The following ELOVL6 variants were observed in gnomAD, a reference collection of about 807,000 sequenced individuals.
ELOVL6 encodes the protein very long chain fatty acid elongase 6.
In ELOVL6, 8 loss-of-function variants were observed where a neutral mutation model predicts 31.7. That is an observed-to-expected ratio of 0.25 (90% confidence interval 0.15 to 0.45). The LOEUF is 0.45. Among genes scored for constraint, ELOVL6 ranks in the 20% least tolerant of loss-of-function variants. ELOVL6 has a pLI of 1.00. For missense variants in ELOVL6, 126 were observed against 326.4 expected (o/e 0.39, Z 4.73); for synonymous variants, 101 against 117.7 (o/e 0.86, Z 0.92).
chr4:110,088,496 A>G lies in ELOVL6; in HGVS notation c.221+17001T>C, dbSNP rs534718226. Among the ~76,000 whole-genome samples the G allele has an allele frequency of 2.6e-5, 4 of 152,314 alleles. No homozygotes were observed. In the South Asian group the frequency reaches 8.3e-4, roughly 32 times the overall value. ...CGTAAGTCTTGCAGCTGGAGGTGCA[A>G]CAGCAAAACTAGCATGGATTTCTGT... On this transcript the variant is annotated intron_variant, in intron 2 of 3. Transcript: ENST00000302274.
chr4:110,158,659 T>TATATA lies in ELOVL6; in HGVS notation c.89+39587_89+39588insTATAT, dbSNP rs1560849884. On this transcript the variant is annotated intron_variant, in intron 1 of 3. Transcript: ENST00000302274. ...TGTATATATATATATATATATATATTTTTTTTTTTTTTTTTTTTGAGACAG... is the reference window on the plus strand; with the variant it reads ...TGTATATATATATATATATATATATTATATATTTTTTTTTTTTTTTTTTGAGACAG... Among the ~76,000 whole-genome samples, 367 of 44,430 alleles carry TATATA rather than the reference T, an allele frequency of 8.3e-3. 2 individuals are homozygous for TATATA. Among genetic ancestry groups the TATATA allele is most frequent in the Admixed American group, 0.063 (211 of 3,362 alleles). The allele number at this position is 44,430 out of a possible 152,430, so 29.1% of individuals were successfully genotyped here.
rs370708596 is a variant in ELOVL6, at chr4:110,171,615, C to T, written c.89+26632G>A. On this transcript the variant is annotated intron_variant, in intron 1 of 3. Transcript: ENST00000302274. ...GGTGCACGTAGGGAGGACGTGGAAG[C>T]TCCAAGCTCTTCTCCCATACATTGC... Among the ~76,000 whole-genome samples, 53 of 150,620 alleles carry T rather than the reference C, an allele frequency of 3.5e-4. 1 individual carries two copies. The East Asian group carries it at 6.4e-3, about 18-fold the overall frequency.
chr4:110,084,241 ATGAT>A (rs1756088278), intron 2 of ELOVL6, among the ~76,000 whole-genome samples: 2 of 132,526 alleles, frequency 1.5e-5, no homozygotes, highest in African/African-American at 5.6e-5. Flanking sequence ...TATAACATAT[ATGAT>A]ATATATAACA....
chr4:110,149,375 G>A (rs537534442), intron 1 of ELOVL6, among the ~76,000 whole-genome samples: 3 of 152,224 alleles, frequency 2.0e-5, no homozygotes, highest in Admixed American at 1.3e-4. Context: ...ATATGGAATC[G>A]ACTTAAGTGT....
chr4:110,129,631 T>G (rs1410660676), intron 1 of ELOVL6, among the ~76,000 whole-genome samples: 1 of 152,232 alleles, frequency 6.6e-6, no homozygotes, highest in African/African-American at 2.4e-5. Flanking sequence ...CTTTGGAGTT[T>G]TATTCCTTTG....
chr4:110,184,532 CG>C (rs1759384927), intron 1 of ELOVL6, among the ~76,000 whole-genome samples: 1 of 152,202 alleles, frequency 6.6e-6, no homozygotes, highest in East Asian at 1.9e-4. Flanking sequence ...CTTAAAACAA[CG>C]GGAAACCACT....
Position 110,172,787 on chromosome 4 carries a change from A to G in ELOVL6, c.89+25460T>C, listed in dbSNP as rs568255030. ...ATGTTTTTTACTGTAAACTCTGCTAAGAGCTTTTAAGTCTTGTTACAGTGA... is the reference window on the plus strand; with the variant it reads ...ATGTTTTTTACTGTAAACTCTGCTAGGAGCTTTTAAGTCTTGTTACAGTGA... On this transcript the variant is annotated intron_variant, in intron 1 of 3. Transcript: ENST00000302274. Among the ~76,000 whole-genome samples the G allele has an allele frequency of 2.0e-5, 3 of 152,366 alleles. No individual in the cohort carries two copies. The South Asian group carries it at 6.2e-4, about 32-fold the overall frequency.
At chr4:110,195,236 A>T (rs1018884407) in intron 1 of ELOVL6, among the ~76,000 whole-genome samples, 14 of 151,712 alleles carry the variant, frequency 9.2e-5, no homozygotes, top group African/African-American at 3.4e-4. Context: ...TCCTGCCTCA[A>T]CCTCCCGAGT....
chr4:110,198,375 A>G lies in ELOVL6; in HGVS notation c.-40T>C, dbSNP rs780586324. 1 of 1,220,926 alleles carries G rather than the reference A, an allele frequency of 8.2e-7. No individual in the cohort carries two copies. Among genetic ancestry groups the G allele is most frequent in the East Asian group, 2.3e-5 (1 of 42,896 alleles). 75.6% of individuals were successfully genotyped at this position (1,220,926 alleles called of 1,614,324 possible). On this transcript the variant is annotated 5_prime_UTR_variant, in exon 1 of 4. Coordinates refer to ENST00000302274, the MANE Select transcript of ELOVL6 (RefSeq NM_024090.3). The stretch of plus-strand genomic sequence containing the variant: ...GGAGTCGCTACGTGTTCTCTATACA[A>G]AATAAAATAATCTGTAAAGCGCTTG...
chr4:110,098,859 A>C lies in ELOVL6; in HGVS notation c.221+6638T>G, dbSNP rs954273533. On this transcript the variant is annotated intron_variant, in intron 2 of 3. Transcript: ENST00000302274. ...GTCCTATGACACTTAAAGCTTATGG[A>C]TCCATTTATTTTATATAAATAGTAT... 2.6e-5 allele frequency among the ~76,000 whole-genome samples: 4 copies of C among 152,250 alleles called. No individual in the cohort carries two copies. In the East Asian group the frequency reaches 7.7e-4, roughly 29 times the overall value.
chr4:110,088,511 T>C (rs1163023168), intron 2 of ELOVL6, among the ~76,000 whole-genome samples: 2 of 152,206 alleles, frequency 1.3e-5, no homozygotes, highest in East Asian at 1.9e-4. Context: ...AAAACTAGCA[T>C]GGATTTCTGT....
intron 1 of ELOVL6, among the ~76,000 whole-genome samples, chr4:110,189,522 A>G (rs13102909): frequency 0.63 from 92,101 of 146,350 alleles, 28,826 homozygotes; most frequent in East Asian, 0.74. Flanking sequence ...AGAAGGTGGG[A>G]GTTGCAGTGA....
At chr4:110,178,721 G>A (rs1335771839) in intron 1 of ELOVL6, among the ~76,000 whole-genome samples, 1 of 151,976 alleles carries the variant, frequency 6.6e-6, no homozygotes, top group Admixed American at 6.6e-5. Context: ...AGGTGTGGTG[G>A]TGCTTGCCTG....
At chr4:110,101,950 C>A (rs1756754513) in intron 2 of ELOVL6, among the ~76,000 whole-genome samples, 1 of 152,018 alleles carries the variant, frequency 6.6e-6, no homozygotes, top group Non-Finnish European at 1.5e-5. Context: ...TGCTTTTGCC[C>A]CCCAAAAAGT....
chr4:110,173,083 A>G (rs1392172821), intron 1 of ELOVL6, among the ~76,000 whole-genome samples: 1 of 152,228 alleles, frequency 6.6e-6, no homozygotes, highest in Non-Finnish European at 1.5e-5. Context: ...ATTTATTGCC[A>G]TAATAGTGTA....
intron 1 of ELOVL6, among the ~76,000 whole-genome samples, chr4:110,139,683 A>AT (rs1285039807): frequency 4.0e-5 from 6 of 151,816 alleles, no homozygotes; most frequent in South Asian, 2.1e-4. Context: ...TTTATCTAAG[A>AT]TTTTTTTTGC....
intron 1 of ELOVL6, among the ~76,000 whole-genome samples, chr4:110,177,078 C>G (rs1423420300): frequency 6.6e-6 from 1 of 152,198 alleles, no homozygotes. Context: ...TCCCCATCCT[C>G]TGTCAGTGAA....
At chr4:110,155,745 C>T (rs1198393760) in intron 1 of ELOVL6, among the ~76,000 whole-genome samples, 1 of 152,138 alleles carries the variant, frequency 6.6e-6, no homozygotes, top group African/African-American at 2.4e-5. Context: ...GGCAGATCAA[C>T]AACCTCCTCG....
At chr4:110,193,596 C>G (rs189312455) in intron 1 of ELOVL6, among the ~76,000 whole-genome samples, 57 of 152,046 alleles carry the variant, frequency 3.7e-4, no homozygotes, top group Middle Eastern at 3.4e-3. Context: ...AGAGTGAGAC[C>G]CTGTCTCAAA....
Sources: gnomAD v4.1 joint callset for allele counts (sites outside exome capture counted in the v4.1 genomes callset) on GRCh38, gnomAD v4.1.1 for gene constraint, MANE v1.5 for transcripts, NCBI Gene and HGNC (gene_info 2026-07-23, HGNC 2026-07-21) for gene names.